Variants in ARNT2 observed in about 807,000 individuals in gnomAD.
The protein encoded by ARNT2 is aryl hydrocarbon receptor nuclear translocator 2, also known as ARNT protein 2.
Under a neutral mutation model 91.7 loss-of-function variants are expected in ARNT2, and 36 were observed. The observed-to-expected ratio is 0.39, with a 90% CI of 0.30 to 0.52. ARNT2 has a LOEUF of 0.52. Among genes scored for constraint, ARNT2 ranks in the 20% least tolerant of loss-of-function variants. The probability of loss-of-function intolerance (pLI) is 0.72; values close to 1 mark genes in which losing one functional copy is unlikely to be tolerated. For missense variants in ARNT2, 775 were observed against 939.3 expected, an observed-to-expected ratio of 0.83 and a Z score of 2.29; for synonymous variants, 365 against 347.1, an observed-to-expected ratio of 1.05 and a Z score of -0.57.
chr15:80,513,539 G>T (rs576992873), intron 6 of ARNT2, among the ~76,000 whole-genome samples: 1 of 152,184 alleles, frequency 6.6e-6, no homozygotes, highest in South Asian at 2.1e-4. Context: ...GGACATTATT[G>T]CTGTCATCAC....
chr15:80,406,181 G>C (rs1422195386), intron 1 of ARNT2, among the ~76,000 whole-genome samples: 1 of 152,218 alleles, frequency 6.6e-6, no homozygotes, highest in African/African-American at 2.4e-5. Context: ...AGGAGGCCAA[G>C]GAGAGACAAA....
At chr15:80,511,270 A>T (rs1897336452) in intron 6 of ARNT2, among the ~76,000 whole-genome samples, 1 of 152,194 alleles carries the variant, frequency 6.6e-6, no homozygotes, top group Non-Finnish European at 1.5e-5. Flanking sequence ...GCGAATTAAC[A>T]CAGGAATGAA....
At chr15:80,585,166 A>G (rs927883756) in intron 17 of ARNT2, among the ~76,000 whole-genome samples, 3 of 152,224 alleles carry the variant, frequency 2.0e-5, no homozygotes, top group African/African-American at 7.2e-5. Context: ...TACTGCTGTC[A>G]TAATTGTGTT....
chr15:80,556,853 C>T (rs552521548), intron 11 of ARNT2: 1 of 152,340 alleles, frequency 6.6e-6, no homozygotes, highest in Non-Finnish European at 1.5e-5. Context: ...GGAGTTTCAG[C>T]TTCCTGAGCC....
intron 8 of ARNT2, among the ~76,000 whole-genome samples, chr15:80,524,191 A>G (rs985356488): frequency 5.3e-5 from 8 of 152,246 alleles, no homozygotes. Flanking sequence ...ACTGCAAAGT[A>G]AAACAATTTG....
At chr15:80,435,881 CA>C (rs35729615) in intron 1 of ARNT2, among the ~76,000 whole-genome samples, 85,318 of 151,728 alleles carry the variant, frequency 0.56, 24,070 homozygotes, top group East Asian at 0.64. Context: ...GAGATATGGG[CA>C]AAAAAAAGGA....
At chr15:80,580,818 A>T (rs1898782067) in intron 16 of ARNT2, among the ~76,000 whole-genome samples, 1 of 152,192 alleles carries the variant, frequency 6.6e-6, no homozygotes, top group African/African-American at 2.4e-5. Flanking sequence ...GAGACACCTC[A>T]TCAAGAATGA....
intron 2 of ARNT2, among the ~76,000 whole-genome samples, chr15:80,451,975 A>G (rs1896400735): frequency 6.6e-6 from 1 of 152,242 alleles, no homozygotes; most frequent in Non-Finnish European, 1.5e-5. Flanking sequence ...GTCTGGTTAC[A>G]GCAGAACCCA....
At chr15:80,478,407 C>T (rs1896838504) in intron 5 of ARNT2, among the ~76,000 whole-genome samples, 1 of 152,178 alleles carries the variant, frequency 6.6e-6, no homozygotes, top group Non-Finnish European at 1.5e-5. Flanking sequence ...TTTAAACAGG[C>T]GATGTGAACC....
chr15:80,471,801 C>T (rs1477692360), intron 4 of ARNT2, among the ~76,000 whole-genome samples: 1 of 152,092 alleles, frequency 6.6e-6, no homozygotes, highest in Non-Finnish European at 1.5e-5. Context: ...CCAGTGAAGA[C>T]AGGCTGGTAG....
At chr15:80,421,766 T>C (rs1373694526) in intron 1 of ARNT2, among the ~76,000 whole-genome samples, 1 of 152,210 alleles carries the variant, frequency 6.6e-6, no homozygotes, top group Non-Finnish European at 1.5e-5. Context: ...TTGGGCCTTA[T>C]GCAGCTCAGG....
intron 1 of ARNT2, among the ~76,000 whole-genome samples, chr15:80,430,686 G>C (rs1843479998): frequency 6.6e-6 from 1 of 152,164 alleles, no homozygotes. Context: ...GTGACCTCAG[G>C]GTTTTTCTTT....
At chr15:80,451,242 G>A (rs1265952110) in intron 2 of ARNT2, among the ~76,000 whole-genome samples, 2 of 152,224 alleles carry the variant, frequency 1.3e-5, no homozygotes, top group African/African-American at 4.8e-5. Flanking sequence ...ATCCTGCTGG[G>A]CCTGGCTCAG....
chr15:80,529,655 G>GTCTT (rs1897703716), intron 8 of ARNT2, among the ~76,000 whole-genome samples: 1 of 152,050 alleles, frequency 6.6e-6, no homozygotes, highest in African/African-American at 2.4e-5. Flanking sequence ...GCAGACTCAA[G>GTCTT]TCTTTCTTCA....
chr15:80,567,149 A>T (rs1013477009), intron 12 of ARNT2, among the ~76,000 whole-genome samples: 9 of 152,080 alleles, frequency 5.9e-5, no homozygotes, highest in African/African-American at 2.2e-4. Context: ...TGTTCAACAG[A>T]TGGGTTATGG....
intron 1 of ARNT2, among the ~76,000 whole-genome samples, chr15:80,426,201 G>C (rs1320027913): frequency 6.6e-6 from 1 of 152,086 alleles, no homozygotes; most frequent in African/African-American, 2.4e-5. Flanking sequence ...TTAAAAAAGA[G>C]GAGAATATCA....
At chr15:80,524,644 A>G (rs1306363459) in intron 8 of ARNT2, among the ~76,000 whole-genome samples, 2 of 152,162 alleles carry the variant, frequency 1.3e-5, no homozygotes, top group African/African-American at 4.8e-5. Flanking sequence ...TGGGAGGCCG[A>G]GGCGGGCGAT....
intron 5 of ARNT2, among the ~76,000 whole-genome samples, chr15:80,478,329 AGC>A (rs1220587196): frequency 1.3e-5 from 2 of 152,244 alleles, no homozygotes; most frequent in Admixed American, 1.3e-4. Context: ...CCAAGGGTGT[AGC>A]CAGCTGGTTC....
Position 80,457,923 on chromosome 15 carries a change from T to C in ARNT2, c.147-6T>C. The C allele has an allele frequency of 6.2e-7, 1 of 1,614,060 alleles. No individual in the cohort carries two copies. Among genetic ancestry groups the C allele is most frequent in the Non-Finnish European group, 8.5e-7 (1 of 1,179,984 alleles). On this transcript the variant is annotated splice_polypyrimidine_tract_variant and splice_region_variant and intron_variant, in intron 2 of 18. Coordinates refer to ENST00000303329, the MANE Select transcript of ARNT2 (RefSeq NM_014862.4). ...TCAGTGCTCACTTGTGATCTTGACT[T>C]TTCAGAATGGACTTCGATGATGAAG...
Sources: allele counts gnomAD v4.1 joint callset (sites outside exome capture counted in the v4.1 genomes callset), GRCh38; gene constraint gnomAD v4.1.1; transcripts MANE v1.5; gene names NCBI Gene and HGNC (gene_info 2026-07-23, HGNC 2026-07-21).